PKD1L1: variants seen among roughly 807,000 people sequenced by gnomAD.
The protein encoded by PKD1L1 is polycystin-1-like protein 1.
Under a neutral mutation model 323.4 loss-of-function variants are expected in PKD1L1, and 236 were observed. The ratio of observed to expected loss-of-function variants is 0.73; its 90% CI spans 0.66 to 0.81. PKD1L1 has a LOEUF of 0.81. Among genes scored for constraint, PKD1L1 ranks in the 40% least tolerant of loss-of-function variants. The pLI is 0.00. For synonymous variants in PKD1L1, 1,344 were observed against 1,335.0 expected, an observed-to-expected ratio of 1.01 and a Z score of -0.15; for missense variants, 3,320 against 3,508.0, an observed-to-expected ratio of 0.95 and a Z score of 1.35.
At chr7:47,879,394 A>G (rs77577916) in intron 21 of PKD1L1, among the ~76,000 whole-genome samples, 54,561 of 151,664 alleles carry the variant, frequency 0.36, 11,094 homozygotes, top group African/African-American at 0.56. Context: ...TGTGGAGGCC[A>G]AGGCAGGTGG....
chr7:47,776,754 A>T (rs997388459), intron 56 of PKD1L1, among the ~76,000 whole-genome samples: 1 of 152,246 alleles, frequency 6.6e-6, no homozygotes, highest in East Asian at 1.9e-4. Context: ...ATGACCACGC[A>T]ATAAATAGCA....
chr7:47,890,432 G>A (rs1030882115), intron 16 of PKD1L1, 110 bp downstream of exon 16: 1 of 1,124,398 alleles, frequency 8.9e-7, no homozygotes, highest in South Asian at 1.5e-5. Flanking sequence ...ATCCTGCATG[G>A]CCAAACTCCA....
chr7:47,948,411 A>G lies in PKD1L1; in HGVS notation c.30T>C (p.Ser10=), dbSNP rs1788145293. The change falls in exon 1 of 57, where the codon TCT becomes TCC. Residue 10 remains serine, a synonymous_variant. Coordinates refer to ENST00000289672, the MANE Select transcript of PKD1L1 (RefSeq NM_138295.5). MAEEAAQNI[S]DDQERCLQAA... ...TGATAACTCACCTTTCCTGGTCATC[A>G]GAAATGTTCTGGGCTGCCTCCTCGG... The G allele has an allele frequency of 2.5e-6, 4 of 1,614,180 alleles. No homozygotes were observed. The highest frequency in any genetic ancestry group is 3.4e-6 in the Non-Finnish European group (4 of 1,180,032).
upstream of PKD1L1, among the ~76,000 whole-genome samples, chr7:47,951,179 GCTC>G (rs1285751266): frequency 6.6e-6 from 1 of 152,080 alleles, no homozygotes; most frequent in African/African-American, 2.4e-5. Flanking sequence ...CACTATCTAA[GCTC>G]CTCATTTAGA....
At chr7:47,957,862 A>ATAT in the PKD1L1 span, among the ~76,000 whole-genome samples, 482 of 134,692 alleles carry the variant, frequency 3.6e-3, 7 homozygotes, top group South Asian at 0.01. Context: ...ATTAAAAAAA[A>ATAT]ATATATATAT....
intron 32 of PKD1L1, among the ~76,000 whole-genome samples, 196 bp from the exon 33 acceptor site, chr7:47,845,274 C>A (rs1785642208): frequency 6.6e-6 from 1 of 152,236 alleles, no homozygotes; most frequent in Non-Finnish European, 1.5e-5. Context: ...TGCCAGAGTT[C>A]TTCACATCTG....
At chr7:47,782,460 A>T (rs1234049985) in intron 56 of PKD1L1, among the ~76,000 whole-genome samples, 1 of 152,204 alleles carries the variant, frequency 6.6e-6, no homozygotes, top group Admixed American at 6.5e-5. Flanking sequence ...TTTTTCAAGG[A>T]CAAGGGCTAG....
chr7:47,834,561 G>C (rs894190963), intron 39 of PKD1L1, among the ~76,000 whole-genome samples, 176 bp from the exon 40 acceptor site: 2 of 152,178 alleles, frequency 1.3e-5, no homozygotes, highest in African/African-American at 4.8e-5. Context: ...TTTTGTTGAT[G>C]CTTCAGTCCT....
chr7:47,910,826 T>TGTGTGTG, intron 8 of PKD1L1, among the ~76,000 whole-genome samples: 2 of 126,130 alleles, frequency 1.6e-5, no homozygotes, highest in Middle Eastern at 8.1e-3. Context: ...CCAGCTGATT[T>TGTGTGTG]TGTGTGTGTG....
intron 48 of PKD1L1, 120 bp downstream of exon 48, chr7:47,813,811 T>G (rs1784955876): frequency 3.5e-6 from 3 of 860,624 alleles, no homozygotes; most frequent in Admixed American, 4.4e-5. Flanking sequence ...CACTGACAAT[T>G]CCAATTACCA....
chr7:47,858,956 T>C lies in PKD1L1; in HGVS notation c.4150-71A>G. ...AGGAGTGCCCGGGTGTATTTGAGGATGAGAACCGCACTCATAAAGCTTAGC... is the reference window on the plus strand; with the variant it reads ...AGGAGTGCCCGGGTGTATTTGAGGACGAGAACCGCACTCATAAAGCTTAGC... On this transcript the variant is annotated intron_variant, in intron 26 of 56. Coordinates refer to ENST00000289672, the MANE Select transcript of PKD1L1 (RefSeq NM_138295.5). 7 of 1,564,194 alleles carry C rather than the reference T, an allele frequency of 4.5e-6. 1 individual carries two copies. Among genetic ancestry groups the C allele is most frequent in the South Asian group, 2.3e-5 (2 of 88,488 alleles).
rs117259657 is a variant in PKD1L1, at chr7:47,872,251, T to C, written c.3896+1648A>G. 3.8e-4 allele frequency among the ~76,000 whole-genome samples: 58 copies of C among 152,304 alleles called. No homozygotes were observed. The East Asian group carries it at 0.011, about 28-fold the overall frequency. On this transcript the variant is annotated intron_variant, in intron 24 of 56. Transcript: ENST00000289672. ...AGGCTGGCCGGCACCAAAGCCATTGTCCCATGCCTGTGCTGCTTTGTTTTT... is the reference window on the plus strand; with the variant it reads ...AGGCTGGCCGGCACCAAAGCCATTGCCCCATGCCTGTGCTGCTTTGTTTTT...
At chr7:47,900,915 C>T (rs1047257015) in intron 13 of PKD1L1, among the ~76,000 whole-genome samples, 5 of 152,078 alleles carry the variant, frequency 3.3e-5, no homozygotes, top group Non-Finnish European at 7.4e-5. Context: ...TTGTGACAAA[C>T]ACACATACCA....
intron 8 of PKD1L1, among the ~76,000 whole-genome samples, chr7:47,909,332 C>T (rs765026652): frequency 1.3e-5 from 2 of 152,166 alleles, no homozygotes; most frequent in Non-Finnish European, 2.9e-5. Context: ...CTTGACTCCA[C>T]CAGGCCCACA....
chr7:47,951,587 C>T (rs1399744139), upstream of PKD1L1, among the ~76,000 whole-genome samples: 1 of 152,198 alleles, frequency 6.6e-6, no homozygotes, highest in Non-Finnish European at 1.5e-5. Flanking sequence ...GGTGTTTACA[C>T]AGTTCACAGT....
chr7:47,803,413 T>C, intron 52 of PKD1L1, 69 bp from the exon 53 acceptor site: 1 of 1,558,236 alleles, frequency 6.4e-7, no homozygotes, highest in Non-Finnish European at 8.8e-7. Flanking sequence ...TATTCACAGC[T>C]GTCAGTCATG....
At chr7:47,919,271 C>T (rs1787489690) in intron 7 of PKD1L1, among the ~76,000 whole-genome samples, 1 of 152,050 alleles carries the variant, frequency 6.6e-6, no homozygotes, top group African/African-American at 2.4e-5. Context: ...ACTAGAAAAC[C>T]TAGAAGAGAT....
At chr7:47,883,923 A>T (rs1786621173) in intron 19 of PKD1L1, among the ~76,000 whole-genome samples, 1 of 152,218 alleles carries the variant, frequency 6.6e-6, no homozygotes, top group Admixed American at 6.5e-5. Flanking sequence ...CTGATCAAAC[A>T]TCTGTTCATT....
At chr7:47,917,649 T>C (rs994146653) in intron 7 of PKD1L1, among the ~76,000 whole-genome samples, 1 of 152,184 alleles carries the variant, frequency 6.6e-6, no homozygotes, top group Non-Finnish European at 1.5e-5. Flanking sequence ...AGAAACCCTA[T>C]AAGCCGGAAG....
Sources: gnomAD v4.1 joint callset for allele counts (sites outside exome capture counted in the v4.1 genomes callset) on GRCh38, gnomAD v4.1.1 for gene constraint, MANE v1.5 for transcripts, NCBI Gene and HGNC (gene_info 2026-07-23, HGNC 2026-07-21) for gene names.